FUCA2: variants seen among roughly 807,000 people sequenced by gnomAD.
The protein encoded by FUCA2 is alpha-L-fucosidase 2, also known as plasma alpha-L-fucosidase.
A neutral mutation model predicts 52.6 loss-of-function variants in FUCA2; 41 were observed. The ratio of observed to expected loss-of-function variants is 0.78; its 90% confidence interval spans 0.61 to 1.01. The LOEUF (loss-of-function observed/expected upper bound fraction) is 1.01. Among genes scored for constraint, FUCA2 ranks in the 50% least tolerant of loss-of-function variants. FUCA2 has a pLI of 0.00. For synonymous variants in FUCA2, 211 were observed against 217.3 expected (o/e 0.97, Z 0.26); for missense variants, 507 against 569.5 (o/e 0.89, Z 1.12).
In FUCA2 at chr6:143,507,835, A is replaced by AT. The variant is rs150138780; in HGVS notation, c.225-412dup. On this transcript the variant is annotated intron_variant, in intron 1 of 6. Coordinates refer to ENST00000002165, the MANE Select transcript of FUCA2 (RefSeq NM_032020.5). This position sits in a 1 kb window ranked among gnomAD's most constrained non-coding sequence, Gnocchi z 4.5. ...CAGGCACGTGCCACCACACCTGGCT[A>AT]TTTTTTTTTTCTTTGTAGAGATGTG... 0.04 allele frequency among the ~76,000 whole-genome samples: 5,912 copies of AT among 149,252 alleles called. 375 individuals carry two copies. The highest frequency in any genetic ancestry group is 0.13 in the African/African-American group (5,491 of 40,754).
At position 143,499,056 on chromosome 6, in the gene FUCA2, A is replaced by C. The variant is rs1450705669; in HGVS notation, c.1155-1559T>G. On this transcript the variant is annotated intron_variant, in intron 5 of 6. Transcript: ENST00000002165. This position sits in a 1 kb window ranked among gnomAD's most constrained non-coding sequence, Gnocchi z 6.0. ...GCTGCCGTTAACTGAGATGGGAAAG[A>C]CCATGGGTGGAGCTAGTTGATAGCA... Among the ~76,000 whole-genome samples, 1 of 152,214 alleles carries C rather than the reference A, an allele frequency of 6.6e-6. No individual in the cohort carries two copies. The highest frequency in any genetic ancestry group is 1.5e-5 in the Non-Finnish European group (1 of 68,038).
In FUCA2 at chr6:143,497,826, A is replaced by G. The variant is rs185910055; in HGVS notation, c.1155-329T>C. On this transcript the variant is annotated intron_variant, in intron 5 of 6. Coordinates refer to ENST00000002165, the MANE Select transcript of FUCA2 (RefSeq NM_032020.5). This position sits in a 1 kb window ranked among gnomAD's most constrained non-coding sequence, Gnocchi z 5.3. ...CTTTTCATGTATTATTCAAATTTTT[A>G]TATTCATTCATTCATTCAACAAGAC... 1.5e-3 allele frequency among the ~76,000 whole-genome samples: 223 copies of G among 152,294 alleles called. No individual in the cohort carries two copies. The highest frequency in any genetic ancestry group is 5.0e-3 in the African/African-American group (208 of 41,574).
rs1780662075 is a variant in FUCA2 at position 143,510,091 on chromosome 6, T to G, written c.224+1320A>C. Among the ~76,000 whole-genome samples, 1 of 152,122 alleles carries G rather than the reference T, an allele frequency of 6.6e-6. No individual in the cohort carries two copies. ...AATACTGTACAGAACTTGCTAAAAT[T>G]TATTATTTAAGTCTCCCCACATAAT... On this transcript the variant is annotated intron_variant, in intron 1 of 6. Coordinates refer to ENST00000002165, the MANE Select transcript of FUCA2 (RefSeq NM_032020.5). This position sits in a 1 kb window ranked among gnomAD's most constrained non-coding sequence, Gnocchi z 4.4.
rs758628368 is a variant in FUCA2 at position 143,502,434 on chromosome 6, A to G, written c.884T>C (p.Met295Thr). 1.2e-6 allele frequency: 2 copies of G among 1,614,098 alleles called. No individual in the cohort carries two copies. The highest frequency in any genetic ancestry group is 1.7e-6 in the Non-Finnish European group (2 of 1,179,992). The change falls in exon 4 of 7, where the codon ATG becomes ACG. Residue 295 changes from methionine (M) to threonine (T), a missense_variant. By Grantham distance (81) the Met-to-Thr change is moderately conservative (BLOSUM62 -1). Coordinates refer to ENST00000002165, the MANE Select transcript of FUCA2 (RefSeq NM_032020.5). This position sits in a 1 kb window ranked among gnomAD's most constrained non-coding sequence, Gnocchi z 4.1. ...HLLPHKWENC[M>T]TIDKLSWGYR... ...GCCCCAGGACAGTTTGTCTATTGTC[A>G]TGCAGTTTTCCCATTTATGTGGCAA...
rs1406875942 is a variant in FUCA2, at chr6:143,504,677, T to C, written c.413-425A>G. ...CCATGCTAAATGATGACTACCACTA[T>C]TTATTATGAAGATCCTGAGATGCAC... On this transcript the variant is annotated intron_variant, in intron 2 of 6. Coordinates refer to ENST00000002165, the MANE Select transcript of FUCA2 (RefSeq NM_032020.5). This position sits in a 1 kb window ranked among gnomAD's most constrained non-coding sequence, Gnocchi z 4.4. 6.4e-6 allele frequency: 1 copy of C among 155,430 alleles called. No homozygotes were observed. Among genetic ancestry groups the C allele is most frequent in the Non-Finnish European group, 1.4e-5 (1 of 70,268 alleles). 9.6% of individuals were successfully genotyped at this position (155,430 alleles called of 1,614,324 possible).
chr6:143,496,181 G>C (rs1780457604), intron 6 of FUCA2: 1 of 222,026 alleles, frequency 4.5e-6, no homozygotes, highest in African/African-American at 2.3e-5. Flanking sequence ...GTCTGCCCAA[G>C]TATCTACTCA....
At chr6:143,506,907 AAG>A (rs1480873489) in intron 2 of FUCA2, 3 of 287,090 alleles carry the variant, frequency 1.0e-5, no homozygotes, top group African/African-American at 2.3e-5. Context: ...AGGGGAAGGA[AAG>A]AGTGCAATTC....
Position 143,507,584 on chromosome 6 carries a change from A to G in FUCA2, c.225-160T>C, listed in dbSNP as rs1238630577. On this transcript the variant is annotated intron_variant, in intron 1 of 6. Transcript: ENST00000002165. This position sits in a 1 kb window ranked among gnomAD's most constrained non-coding sequence, Gnocchi z 4.5. ...ACTTGGCTTTAAAGATAGCTTATGC[A>G]AACTAAACCCCCTCTCATTTTCCAC... Among the ~76,000 whole-genome samples, 1 of 152,068 alleles carries G rather than the reference A, an allele frequency of 6.6e-6. No homozygotes were observed. The highest frequency in any genetic ancestry group is 1.5e-5 in the Non-Finnish European group (1 of 68,016).
rs1373561373 is a variant in FUCA2 at position 143,510,292 on chromosome 6, G to A, written c.224+1119C>T. The stretch of plus-strand genomic sequence containing the variant: ...CTAAATATAGTATGTTAATTTGGAT[G>A]TATACTATTTATGTAGTATATAGTT... On this transcript the variant is annotated intron_variant, in intron 1 of 6. Coordinates refer to ENST00000002165, the MANE Select transcript of FUCA2 (RefSeq NM_032020.5). The surrounding 1 kb of genome is among the most constrained non-coding windows in gnomAD (Gnocchi z 4.4). Among the ~76,000 whole-genome samples the A allele has an allele frequency of 2.0e-5, 3 of 152,088 alleles. No homozygotes were observed. The highest frequency in any genetic ancestry group is 4.4e-5 in the Non-Finnish European group (3 of 68,020).
At position 143,499,497 on chromosome 6, in the gene FUCA2, C is replaced by T. The variant is rs1427976405; in HGVS notation, c.1155-2000G>A. Among the ~76,000 whole-genome samples the T allele has an allele frequency of 6.6e-6, 1 of 151,950 alleles. No homozygotes were observed. Among genetic ancestry groups the T allele is most frequent in the Non-Finnish European group, 1.5e-5 (1 of 67,984 alleles). ...CTTGAACCTGGGAGGTGGAGGTTGC[C>T]GTGAGCCAAGATCGCACCAGTGCAC... On this transcript the variant is annotated intron_variant, in intron 5 of 6. Transcript: ENST00000002165. This position sits in a 1 kb window ranked among gnomAD's most constrained non-coding sequence, Gnocchi z 6.0.
At position 143,500,262 on chromosome 6, in the gene FUCA2, G is replaced by C. The variant is rs187719543; in HGVS notation, c.1154+1670C>G. Among the ~76,000 whole-genome samples the C allele has an allele frequency of 1.2e-3, 182 of 152,152 alleles. No homozygotes were observed. The highest frequency in any genetic ancestry group is 3.1e-3 in the South Asian group (15 of 4,818). On this transcript the variant is annotated intron_variant, in intron 5 of 6. Transcript: ENST00000002165. The surrounding 1 kb of genome is among the most constrained non-coding windows in gnomAD (Gnocchi z 6.9). ...GGAAAAAGACAGAGAAAAGATGATA[G>C]GATTAAAAGATAGTATGATCACTGG... is the stretch of plus-strand genomic sequence containing the variant.
Position 143,497,468 on chromosome 6 carries a change from A to T in FUCA2, c.1184T>A (p.Val395Asp), listed in dbSNP as rs1780474064. The T allele has an allele frequency of 1.2e-6, 2 of 1,613,112 alleles. No homozygotes were observed. The highest frequency in any genetic ancestry group is 1.7e-5 in the Admixed American group (1 of 59,980). The change falls in exon 6 of 7, where the codon GTC (valine) becomes GAC (aspartate). Residue 395 changes from valine to aspartate, a missense_variant. Coordinates refer to ENST00000002165, the MANE Select transcript of FUCA2 (RefSeq NM_032020.5). The surrounding 1 kb of genome is among the most constrained non-coding windows in gnomAD (Gnocchi z 5.3). ...GGGCCATTTAAGAAAAATGGCATAGACTAATTTTTCTTTAGGCTTGGATGT... is the reference window on the plus strand; with the variant it reads ...GGGCCATTTAAGAAAAATGGCATAGTCTAATTTTTCTTTAGGCTTGGATGT... ...WYTSKPKEKLVYAIFLKWPTS... is the reference protein window; with the variant it reads ...WYTSKPKEKLDYAIFLKWPTS...
In FUCA2 at chr6:143,497,805, T is replaced by C. The variant is rs1026898185; in HGVS notation, c.1155-308A>G. Among the ~76,000 whole-genome samples, 25 of 152,222 alleles carry C rather than the reference T, an allele frequency of 1.6e-4. No homozygotes were observed. Among genetic ancestry groups the C allele is most frequent in the Non-Finnish European group, 2.4e-4 (16 of 68,044 alleles). On this transcript the variant is annotated intron_variant, in intron 5 of 6. Transcript: ENST00000002165. This position sits in a 1 kb window ranked among gnomAD's most constrained non-coding sequence, Gnocchi z 5.3. ...CAGGATGCAAGAGCTTCATGGCTTTTCATGTATTATTCAAATTTTTATATT... is the reference window on the plus strand; with the variant it reads ...CAGGATGCAAGAGCTTCATGGCTTTCCATGTATTATTCAAATTTTTATATT...
Position 143,500,002 on chromosome 6 carries a change from G to A in FUCA2, c.1154+1930C>T, listed in dbSNP as rs144590986. Among the ~76,000 whole-genome samples, 10 of 152,244 alleles carry A rather than the reference G, an allele frequency of 6.6e-5. No individual in the cohort carries two copies. The highest frequency in any genetic ancestry group is 1.7e-4 in the African/African-American group (7 of 41,554). Reference sequence around the variant, plus strand: ...GCAATGGGATCAGGACACAAGGGTTGACCTTAAAGCCAAAAGTGAGATAAT... The same window carrying A: ...GCAATGGGATCAGGACACAAGGGTTAACCTTAAAGCCAAAAGTGAGATAAT... On this transcript the variant is annotated intron_variant, in intron 5 of 6. Coordinates refer to ENST00000002165, the MANE Select transcript of FUCA2 (RefSeq NM_032020.5). This position sits in a 1 kb window ranked among gnomAD's most constrained non-coding sequence, Gnocchi z 6.9.
In FUCA2 at chr6:143,497,642, T is replaced by G. The variant is rs558612535; in HGVS notation, c.1155-145A>C. 1.8e-6 allele frequency: 1 copy of G among 561,444 alleles called. No individual in the cohort carries two copies. Among genetic ancestry groups the G allele is most frequent in the South Asian group, 2.3e-5 (1 of 43,354 alleles). 34.8% of individuals were successfully genotyped at this position (561,444 alleles called of 1,614,324 possible). A position where few individuals can be genotyped will look rare whatever the true frequency, so the allele number is the denominator to read the frequency against. ...TAGAAGGGAAGGAAAAATAGCCTCA[T>G]GGTGGTATAAAAAAACACCTTCCTC... On this transcript the variant is annotated intron_variant, in intron 5 of 6. Transcript: ENST00000002165. The surrounding 1 kb of genome is among the most constrained non-coding windows in gnomAD (Gnocchi z 5.3).
rs1488444932 is a variant in FUCA2, at chr6:143,508,575, C to T, written c.225-1151G>A. 2.0e-5 allele frequency among the ~76,000 whole-genome samples: 3 copies of T among 152,204 alleles called. No individual in the cohort carries two copies. The East Asian group carries it at 5.8e-4, about 29-fold the overall frequency. On this transcript the variant is annotated intron_variant, in intron 1 of 6. Coordinates refer to ENST00000002165, the MANE Select transcript of FUCA2 (RefSeq NM_032020.5). ...ACAGCTGCGACAGGGATGTGAGATC[C>T]ATGCTGGCCAAGGGAACTTGAGGGA...
chr6:143,504,264 T>C lies in FUCA2; in HGVS notation c.413-12A>G, dbSNP rs376423580. ...CCACAAGGTAAAGCCTAGAAAATTA[T>C]AGTGAAAACCCTTGTAAGCATGTCA... On this transcript the variant is annotated splice_polypyrimidine_tract_variant and intron_variant, in intron 2 of 6. Transcript: ENST00000002165. The surrounding 1 kb of genome is among the most constrained non-coding windows in gnomAD (Gnocchi z 4.4). 1.3e-6 allele frequency: 2 copies of C among 1,597,656 alleles called. No individual in the cohort carries two copies. The highest frequency in any genetic ancestry group is 1.3e-5 in the African/African-American group (1 of 74,220).
rs551763134 is a variant in FUCA2, at chr6:143,507,066, A to T, written c.412+171T>A. The T allele has an allele frequency of 8.9e-6, 5 of 558,664 alleles. No individual in the cohort carries two copies. The highest frequency in any genetic ancestry group is 1.5e-5 in the Non-Finnish European group (5 of 326,700). 34.6% of individuals were successfully genotyped at this position (558,664 alleles called of 1,614,324 possible). A position where few individuals can be genotyped will look rare whatever the true frequency, so the allele number is the denominator to read the frequency against. On this transcript the variant is annotated intron_variant, in intron 2 of 6. Transcript: ENST00000002165. The surrounding 1 kb of genome is among the most constrained non-coding windows in gnomAD (Gnocchi z 4.5). ...GTATGATCCTTTCTGTATTCCTAACATCTCTCAATTTGGGTTGAATGTGCA... is the reference window on the plus strand; with the variant it reads ...GTATGATCCTTTCTGTATTCCTAACTTCTCTCAATTTGGGTTGAATGTGCA...
rs1011726737 is a variant in FUCA2, at chr6:143,497,327, A to C, written c.1263+62T>G. On this transcript the variant is annotated intron_variant, in intron 6 of 6. Transcript: ENST00000002165. This position sits in a 1 kb window ranked among gnomAD's most constrained non-coding sequence, Gnocchi z 5.3. ...AGTTATAAGGCTCCCCTTAAAAGTT[A>C]ATGTTTGCATCAAGATGTTCTAATC... 12 of 1,055,402 alleles carry C rather than the reference A, an allele frequency of 1.1e-5. No homozygotes were observed. The highest frequency in any genetic ancestry group is 1.8e-5 in the Non-Finnish European group (12 of 672,960). The allele number at this position is 1,055,402 out of a possible 1,614,324, so 65.4% of individuals were successfully genotyped here.
Sources: allele counts gnomAD v4.1 joint callset (sites outside exome capture counted in the v4.1 genomes callset), GRCh38; gene constraint gnomAD v4.1.1; non-coding constraint Gnocchi (gnomAD v3.1); transcripts MANE v1.5; gene names NCBI Gene and HGNC (gene_info 2026-07-23, HGNC 2026-07-21).